The following CRYZ variants were observed in gnomAD, a reference collection of about 807,000 sequenced individuals.
CRYZ encodes zeta-crystallin.
Under a neutral mutation model 34.1 loss-of-function variants are expected in CRYZ, and 35 were observed. The observed-to-expected ratio is 1.03, with a 90% confidence interval of 0.78 to 1.36. The LOEUF is 1.36. CRYZ is among the 40% of genes most tolerant of loss of function. The pLI is 0.00. For synonymous variants in CRYZ, 137 were observed against 136.5 expected (o/e 1.00, Z -0.03); for missense variants, 403 against 391.8 (o/e 1.03, Z -0.24).
intron 4 of CRYZ, among the ~76,000 whole-genome samples, chr1:74,716,058 G>C (rs1359680243): frequency 1.3e-5 from 2 of 152,008 alleles, no homozygotes; most frequent in Non-Finnish European, 2.9e-5. Flanking sequence ...AGTAAATTCA[G>C]CCAGCAAACT....
intron 5 of CRYZ, among the ~76,000 whole-genome samples, chr1:74,713,945 G>A (rs750839845): frequency 6.6e-6 from 1 of 152,032 alleles, no homozygotes; most frequent in East Asian, 1.9e-4. Context: ...CTAGTTTCTC[G>A]AAGAGGTTTC....
chr1:74,717,543 G>A (rs375321649), intron 4 of CRYZ, among the ~76,000 whole-genome samples: 199 of 152,256 alleles, frequency 1.3e-3, no homozygotes, highest in Non-Finnish European at 2.1e-3. Flanking sequence ...CAGTGATTGC[G>A]CACTTACCCT....
chr1:74,712,049 A>C (rs1407712586), intron 5 of CRYZ, among the ~76,000 whole-genome samples: 1 of 152,222 alleles, frequency 6.6e-6, no homozygotes, highest in East Asian at 1.9e-4. Flanking sequence ...CCAGCCTCCC[A>C]AAATGCTGGG....
chr1:74,731,114 C>G (rs1326657599), intron 1 of CRYZ, among the ~76,000 whole-genome samples: 1 of 152,094 alleles, frequency 6.6e-6, no homozygotes, highest in Non-Finnish European at 1.5e-5. Context: ...AATTAAGAGT[C>G]CCTTGGTTTA....
At chr1:74,728,561 T>C (rs1016341541) in intron 1 of CRYZ, among the ~76,000 whole-genome samples, 8 of 152,162 alleles carry the variant, frequency 5.3e-5, no homozygotes, top group African/African-American at 1.4e-4. Flanking sequence ...CAGGACCTGA[T>C]ATGAAAGAAT....
In CRYZ at chr1:74,706,950, G is replaced by A; in HGVS notation, c.777C>T (p.Thr259=). The A allele has an allele frequency of 6.2e-7, 1 of 1,612,738 alleles. No homozygotes were observed. The highest frequency in any genetic ancestry group is 8.5e-7 in the Non-Finnish European group (1 of 1,179,280). ...RGTIEINPRD[T]MAKESSIIGV... is the part of the protein sequence containing the mutation. Reference sequence around the variant, plus strand: ...CAATTATACTCGACTCCTTTGCCATGGTGTCTCGTGGGTTTATTTCAATAG... The same window carrying A: ...CAATTATACTCGACTCCTTTGCCATAGTGTCTCGTGGGTTTATTTCAATAG... Residue 259 remains threonine, a synonymous_variant, in exon 8 of 9, where the codon ACC becomes ACT. Coordinates refer to ENST00000340866, the MANE Select transcript of CRYZ (RefSeq NM_001889.4).
rs377397406 is a variant in CRYZ at position 74,707,004 on chromosome 1, A to G, written c.733-10T>C. 1.7e-5 allele frequency: 28 copies of G among 1,610,712 alleles called. No individual in the cohort carries two copies. The highest frequency in any genetic ancestry group is 2.3e-5 in the Non-Finnish European group (27 of 1,177,616). ...CTCTGCTGCCAACAACCTAACATGA[A>G]AAACAGCAATTCTACAGTTAAAGAT... On this transcript the variant is annotated splice_polypyrimidine_tract_variant and intron_variant, in intron 7 of 8. Transcript: ENST00000340866.
chr1:74,710,157 G>T lies in CRYZ; in HGVS notation c.571C>A (p.Gln191Lys). ...GTEEGQKIVL[Q>K]NGAHEVFNHR... is the part of the protein sequence containing the mutation. ...TTGAACACTTCATGGGCTCCATTTT[G>T]CAAAACAATCTTTTGTCCTTCCTCA... Residue 191 changes from glutamine to lysine, a missense_variant, in exon 6 of 9, where the codon CAA (glutamine) becomes AAA (lysine). Coordinates refer to ENST00000340866, the MANE Select transcript of CRYZ (RefSeq NM_001889.4). 1 of 1,613,782 alleles carries T rather than the reference G, an allele frequency of 6.2e-7. No homozygotes were observed. Among genetic ancestry groups the T allele is most frequent in the Non-Finnish European group, 8.5e-7 (1 of 1,179,796 alleles).
intron 1 of CRYZ, 30 bp downstream of exon 1, chr1:74,732,926 C>CAACT (rs1647927554): frequency 1.5e-5 from 5 of 329,624 alleles, no homozygotes; most frequent in Non-Finnish European, 2.2e-5. Context: ...GCTGTCTAAA[C>CAACT]AACTAAGGAG....
chr1:74,731,170 C>A (rs1004983620), intron 1 of CRYZ, among the ~76,000 whole-genome samples: 2 of 152,140 alleles, frequency 1.3e-5, no homozygotes, highest in Non-Finnish European at 2.9e-5. Context: ...ATATGCCTTA[C>A]AAATCTAGGA....
At chr1:74,723,760 C>T (rs529356879) in intron 2 of CRYZ, among the ~76,000 whole-genome samples, 126 of 152,266 alleles carry the variant, frequency 8.3e-4, no homozygotes, top group South Asian at 1.5e-3. Context: ...GTGGCAGAGC[C>T]ACATGAAAGA....
Position 74,732,998 on chromosome 1 carries a change from G to C in CRYZ, c.-56C>G. ...ATTAAAATCTGCGTGGGCTTCTTCA[G>C]ATTCCACAGAAATGAGGACTGCCAC... On this transcript the variant is annotated 5_prime_UTR_variant, in exon 1 of 9. It adds an upstream start codon to the 5' untranslated region. Transcript: ENST00000340866. 1 of 515,482 alleles carries C rather than the reference G, an allele frequency of 1.9e-6. No homozygotes were observed. Among genetic ancestry groups the C allele is most frequent in the Non-Finnish European group, 3.4e-6 (1 of 294,924 alleles). The allele number at this position is 515,482 out of a possible 1,614,324, so 31.9% of individuals were successfully genotyped here. A position where few individuals can be genotyped will look rare whatever the true frequency, so the allele number is the denominator to read the frequency against.
intron 5 of CRYZ, among the ~76,000 whole-genome samples, chr1:74,711,800 G>A (rs996248755): frequency 2.6e-5 from 4 of 152,194 alleles, no homozygotes; most frequent in African/African-American, 9.7e-5. Context: ...GAGCTGCACA[G>A]TGCTCATCTA....
At position 74,707,141 on chromosome 1, in the gene CRYZ, T is replaced by C; in HGVS notation, c.694A>G (p.Lys232Glu). The C allele has an allele frequency of 2.5e-6, 4 of 1,589,474 alleles. No individual in the cohort carries two copies. The highest frequency in any genetic ancestry group is 3.4e-6 in the Non-Finnish European group (4 of 1,166,140). The change falls in exon 7 of 9, where the codon AAA (lysine) becomes GAA (glutamate). Residue 232 changes from lysine to glutamate, a missense_variant. Coordinates refer to ENST00000340866, the MANE Select transcript of CRYZ (RefSeq NM_001889.4). ...CCATGTGACAGAAGACTCAAGTCTTTACTAAGATTTACATTAGCTAACATT... is the reference window on the plus strand; with the variant it reads ...CCATGTGACAGAAGACTCAAGTCTTCACTAAGATTTACATTAGCTAACATT... The part of the protein sequence containing the change: ...IEMLANVNLS[K>E]DLSLLSHGGR...
intron 4 of CRYZ, among the ~76,000 whole-genome samples, chr1:74,718,916 C>A (rs1647113889): frequency 6.6e-6 from 1 of 152,122 alleles, no homozygotes; most frequent in African/African-American, 2.4e-5. Flanking sequence ...GTCTATATAT[C>A]CCTATGCACA....
chr1:74,722,313 A>T (rs772633807), intron 3 of CRYZ, among the ~76,000 whole-genome samples: 13 of 152,160 alleles, frequency 8.5e-5, no homozygotes. Context: ...CAGAGAAATC[A>T]AGAAAGATAA....
chr1:74,723,224 T>C lies in CRYZ; in HGVS notation c.158A>G (p.Tyr53Cys), dbSNP rs1278187976. 1.2e-6 allele frequency: 2 copies of C among 1,614,036 alleles called. No individual in the cohort carries two copies. Among genetic ancestry groups the C allele is most frequent in the South Asian group, 1.1e-5 (1 of 91,066 alleles). The change falls in exon 3 of 9, where the codon TAC becomes TGC. Residue 53 changes from tyrosine (Y) to cysteine (C), a missense_variant. Physicochemically the swap from Tyr to Cys is radical, Grantham distance 194. Coordinates refer to ENST00000340866, the MANE Select transcript of CRYZ (RefSeq NM_001889.4). Reference protein sequence around the residue: ...HACGVNPVETYIRSGTYSRKP... With the variant: ...HACGVNPVETCIRSGTYSRKP... The stretch of plus-strand genomic sequence containing the variant: ...TCTACTATAAGTACCAGAGCGAATG[T>C]ATGTCTCCACGGGGTTGACACCACA...
chr1:74,728,702 G>C (rs534896141), intron 1 of CRYZ, among the ~76,000 whole-genome samples: 11 of 152,346 alleles, frequency 7.2e-5, no homozygotes, highest in Non-Finnish European at 1.2e-4. Flanking sequence ...TATTTTGGTA[G>C]TGTTATTGAT....
chr1:74,729,340 C>G (rs571545089), intron 1 of CRYZ, among the ~76,000 whole-genome samples: 3 of 152,050 alleles, frequency 2.0e-5, no homozygotes, highest in Non-Finnish European at 4.4e-5. Context: ...CAGAACTTAG[C>G]AAACACATGA....
Sources: gnomAD v4.1 joint callset for allele counts (sites outside exome capture counted in the v4.1 genomes callset) on GRCh38, gnomAD v4.1.1 for gene constraint, MANE v1.5 for transcripts, NCBI Gene and HGNC (gene_info 2026-07-23, HGNC 2026-07-21) for gene names.